The following FAM135B variants were observed in gnomAD, a reference collection of about 807,000 sequenced individuals.
The protein encoded by FAM135B is family with sequence similarity 135 member B, also known as protein FAM135B.
FAM135B carries 43 observed loss-of-function variants against 127.7 expected under a neutral mutation model. That is an observed-to-expected ratio of 0.34 (90% CI 0.26 to 0.43). The LOEUF is 0.43. Among genes scored for constraint, FAM135B ranks in the 20% least tolerant of loss-of-function variants. The pLI, the probability that FAM135B is intolerant of heterozygous loss-of-function variation, is 1.00. For missense variants in FAM135B, 1,558 were observed against 1,725.6 expected (o/e 0.90, Z 1.72); for synonymous variants, 670 against 665.1 (o/e 1.01, Z -0.11).
intron 15 of FAM135B, among the ~76,000 whole-genome samples, chr8:138,143,893 G>C (rs1044863167): frequency 6.6e-6 from 1 of 152,164 alleles, no homozygotes; most frequent in African/African-American, 2.4e-5. Flanking sequence ...ACGTGTTGGA[G>C]GATAGGAGTG....
intron 2 of FAM135B, among the ~76,000 whole-genome samples, chr8:138,314,905 C>T (rs971795924): frequency 2.8e-5 from 4 of 143,728 alleles, no homozygotes; most frequent in East Asian, 2.0e-4. Context: ...AAAAAAAATT[C>T]GAAGGGCATT....
chr8:138,131,948 T>G lies in FAM135B; in HGVS notation c.*645A>C, dbSNP rs1187539147. 1 of 152,878 alleles carries G rather than the reference T, an allele frequency of 6.5e-6. No individual in the cohort carries two copies. The highest frequency in any genetic ancestry group is 1.5e-5 in the Non-Finnish European group (1 of 68,226). The allele number at this position is 152,878 out of a possible 1,614,324, so 9.5% of individuals were successfully genotyped here. On this transcript the variant is annotated 3_prime_UTR_variant, in exon 20 of 20. Transcript: ENST00000395297. ...CATGTTTCTTTGTAACAAACTTGTA[T>G]TTACCAATAGTGTCACCTTTATCCC...
intron 3 of FAM135B, among the ~76,000 whole-genome samples, chr8:138,273,682 G>A (rs990827021): frequency 7.9e-5 from 12 of 152,160 alleles, no homozygotes; most frequent in East Asian, 3.9e-4. Context: ...ACAACAATCC[G>A]ACTACACTGG....
chr8:138,376,378 T>C (rs1005798584), intron 1 of FAM135B, among the ~76,000 whole-genome samples: 3 of 152,188 alleles, frequency 2.0e-5, no homozygotes, highest in South Asian at 4.1e-4. Flanking sequence ...AGCATCCTCT[T>C]TCCTGAATAT....
At chr8:138,142,285 C>CTTT (rs1166235927) in intron 16 of FAM135B, among the ~76,000 whole-genome samples, 4 of 99,960 alleles carry the variant, frequency 4.0e-5, no homozygotes, top group South Asian at 3.6e-4. Context: ...CATTCTGCTT[C>CTTT]TTCTTTTTTT....
chr8:138,398,572 C>T (rs1323334037), intron 1 of FAM135B, among the ~76,000 whole-genome samples: 1 of 152,158 alleles, frequency 6.6e-6, no homozygotes, highest in Non-Finnish European at 1.5e-5. Flanking sequence ...GTAGACCCAA[C>T]CCCTGGGTGT....
intron 1 of FAM135B, among the ~76,000 whole-genome samples, chr8:138,426,012 TAC>T (rs1176390520): frequency 2.7e-4 from 4 of 14,954 alleles, no homozygotes; most frequent in East Asian, 1.2e-3. Flanking sequence ...TATATATATA[TAC>T]ACACACATAC....
intron 3 of FAM135B, among the ~76,000 whole-genome samples, chr8:138,284,496 C>A (rs1162141572): frequency 1.3e-5 from 2 of 152,096 alleles, no homozygotes; most frequent in Non-Finnish European, 1.5e-5. Flanking sequence ...TAATGTATTT[C>A]TCAAAGCCAG....
intron 7 of FAM135B, among the ~76,000 whole-genome samples, chr8:138,236,144 T>G (rs909209596): frequency 2.0e-5 from 3 of 152,108 alleles, no homozygotes; most frequent in Admixed American, 6.5e-5. Flanking sequence ...CAACACTCAT[T>G]TACTCAACAA....
intron 1 of FAM135B, among the ~76,000 whole-genome samples, chr8:138,428,657 T>C (rs1233008768): frequency 1.3e-5 from 2 of 152,128 alleles, no homozygotes; most frequent in Non-Finnish European, 2.9e-5. Flanking sequence ...TTGATACTTT[T>C]ATGCCAGGCT....
intron 2 of FAM135B, among the ~76,000 whole-genome samples, chr8:138,327,359 A>G (rs1351957782): frequency 1.3e-5 from 2 of 152,328 alleles, no homozygotes; most frequent in Non-Finnish European, 2.9e-5. Flanking sequence ...GTTCGGAACA[A>G]AAATTATCTT....
At chr8:138,248,005 C>T (rs186337289) in intron 6 of FAM135B, among the ~76,000 whole-genome samples, 157 of 152,322 alleles carry the variant, frequency 1.0e-3, no homozygotes, top group Non-Finnish European at 4.0e-4. Flanking sequence ...AATTACATAG[C>T]ATTCACTAAA....
intron 3 of FAM135B, among the ~76,000 whole-genome samples, chr8:138,274,737 G>A (rs529683244): frequency 6.6e-6 from 1 of 152,260 alleles, no homozygotes; most frequent in South Asian, 2.1e-4. Flanking sequence ...TCTCAGGGAT[G>A]TTCCATGCTG....
At chr8:138,385,016 A>G (rs537889622) in intron 1 of FAM135B, among the ~76,000 whole-genome samples, 1 of 152,200 alleles carries the variant, frequency 6.6e-6, no homozygotes, top group African/African-American at 2.4e-5. Context: ...TCTGCTTCCC[A>G]GCTCTCCTGT....
intron 19 of FAM135B, among the ~76,000 whole-genome samples, chr8:138,134,424 C>T (rs1050906561): frequency 1.3e-5 from 2 of 152,164 alleles, no homozygotes; most frequent in Admixed American, 6.5e-5. Flanking sequence ...AGTGATTACT[C>T]AACCAGATCA....
intron 2 of FAM135B, among the ~76,000 whole-genome samples, chr8:138,348,526 G>T (rs2131102347): frequency 6.6e-6 from 1 of 152,274 alleles, no homozygotes. Context: ...TTTAAGACCT[G>T]TGACTCAATC....
chr8:138,486,132 G>A (rs548639406), intron 1 of FAM135B, among the ~76,000 whole-genome samples: 3 of 151,946 alleles, frequency 2.0e-5, no homozygotes, highest in Admixed American at 6.6e-5. Flanking sequence ...CTGGCATCCC[G>A]TTGCACTTTT....
chr8:138,374,640 A>T (rs1831350134), intron 1 of FAM135B, among the ~76,000 whole-genome samples: 1 of 152,228 alleles, frequency 6.6e-6, no homozygotes, highest in Non-Finnish European at 1.5e-5. Flanking sequence ...GAATTCAGCA[A>T]GGAAAACAAA....
chr8:138,299,697 T>C (rs1027933574), intron 3 of FAM135B, among the ~76,000 whole-genome samples: 1 of 152,206 alleles, frequency 6.6e-6, no homozygotes, highest in African/African-American at 2.4e-5. Flanking sequence ...ATTGGTCTCA[T>C]GAGTCTCTAT....
Sources: gnomAD v4.1 joint callset for allele counts (sites outside exome capture counted in the v4.1 genomes callset) on GRCh38, gnomAD v4.1.1 for gene constraint, MANE v1.5 for transcripts, NCBI Gene and HGNC (gene_info 2026-07-23, HGNC 2026-07-21) for gene names.